The following PARD3 variants were observed in gnomAD, a reference collection of about 807,000 sequenced individuals.
PARD3 encodes the protein partitioning defective 3 homolog.
In PARD3, 75 loss-of-function variants were observed where a neutral mutation model predicts 155.4. The ratio of observed to expected loss-of-function variants is 0.48; its 90% CI spans 0.40 to 0.58. The LOEUF is 0.58. PARD3 is among the 20% of genes least tolerant of loss of function. The pLI is 0.00. For missense variants in PARD3, 1,642 were observed against 1,721.7 expected (o/e 0.95, Z 0.82); for synonymous variants, 576 against 610.5 (o/e 0.94, Z 0.83).
At chr10:34,389,552 T>C (rs1842683214) in intron 7 of PARD3, among the ~76,000 whole-genome samples, 1 of 152,220 alleles carries the variant, frequency 6.6e-6, no homozygotes, top group African/African-American at 2.4e-5. Context: ...GAGTTTTGCG[T>C]TGATAATGTA....
intron 3 of PARD3, among the ~76,000 whole-genome samples, chr10:34,473,479 G>C (rs2078495935): frequency 6.6e-6 from 1 of 151,966 alleles, no homozygotes; most frequent in African/African-American, 2.4e-5. Flanking sequence ...TTGAGGTCAG[G>C]AGTTCAAGAC....
intron 2 of PARD3, among the ~76,000 whole-genome samples, chr10:34,553,827 A>G (rs2084785835): frequency 6.6e-6 from 1 of 152,204 alleles, no homozygotes; most frequent in Admixed American, 6.5e-5. Context: ...ACCTTACAAC[A>G]CTAAAAAGGA....
intron 2 of PARD3, among the ~76,000 whole-genome samples, chr10:34,519,944 T>C (rs2082039985): frequency 1.3e-5 from 2 of 152,004 alleles, no homozygotes; most frequent in Admixed American, 1.3e-4. Context: ...GGCTGCCACC[T>C]TGGAGCTTCA....
chr10:34,664,578 C>T (rs1045563711), intron 2 of PARD3, among the ~76,000 whole-genome samples: 4 of 152,112 alleles, frequency 2.6e-5, no homozygotes, highest in Non-Finnish European at 4.4e-5. Context: ...CTCTGCCTCC[C>T]GGGTTCCAGA....
chr10:34,186,131 G>A (rs1163141219), intron 22 of PARD3, among the ~76,000 whole-genome samples: 1 of 151,772 alleles, frequency 6.6e-6, no homozygotes, highest in Non-Finnish European at 1.5e-5. Context: ...GCAGGGGGGA[G>A]GCATCACATA....
intron 1 of PARD3, among the ~76,000 whole-genome samples, chr10:34,747,822 C>T (rs1284131510): frequency 6.6e-6 from 1 of 152,234 alleles, no homozygotes; most frequent in Non-Finnish European, 1.5e-5. Context: ...CTGGGGCAGA[C>T]ACTGCAACTG....
At chr10:34,184,090 T>C (rs942663071) in intron 22 of PARD3, among the ~76,000 whole-genome samples, 12 of 152,198 alleles carry the variant, frequency 7.9e-5, no homozygotes, top group African/African-American at 2.7e-4. Flanking sequence ...AGTGCTAGGA[T>C]TACAGGTGTG....
intron 22 of PARD3, among the ~76,000 whole-genome samples, chr10:34,168,123 T>C (rs1949621762): frequency 6.6e-6 from 1 of 152,210 alleles, no homozygotes. Flanking sequence ...ATTCATTTTA[T>C]AGCTTTGGTA....
At chr10:34,309,655 AAGAGGGAAG>A (rs1024947158) in intron 20 of PARD3, among the ~76,000 whole-genome samples, 27 of 151,268 alleles carry the variant, frequency 1.8e-4, no homozygotes, top group Non-Finnish European at 3.4e-4. Context: ...AATGTCCTGC[AAGAGGGAAG>A]AGAGGACCAG....
rs547276334 is a variant in PARD3, at chr10:34,412,040, G to A, written c.715-10123C>T. ...TACAGTGGTATAATCACAGCTTACT[G>A]CAGCCTCAAACTCCTGGGCTCAAGC... On this transcript the variant is annotated intron_variant, in intron 5 of 24. Coordinates refer to ENST00000374788, the MANE Select transcript of PARD3 (RefSeq NM_001184785.2). Among the ~76,000 whole-genome samples, 9 of 151,520 alleles carry A rather than the reference G, an allele frequency of 5.9e-5. 1 individual carries two copies. The highest frequency in any genetic ancestry group is 1.9e-4 in the African/African-American group (8 of 41,342).
chr10:34,725,416 A>C (rs2094689873), intron 1 of PARD3, among the ~76,000 whole-genome samples: 1 of 152,038 alleles, frequency 6.6e-6, no homozygotes, highest in Admixed American at 6.5e-5. Flanking sequence ...CGGCCTCCCA[A>C]AGTGCTAAGA....
intron 3 of PARD3, among the ~76,000 whole-genome samples, chr10:34,487,216 C>T (rs1200197899): frequency 6.6e-6 from 1 of 151,856 alleles, no homozygotes; most frequent in African/African-American, 2.4e-5. Context: ...TAAGGTCGGC[C>T]GGGCAGGCAT....
chr10:34,199,471 G>A (rs1482929209), intron 22 of PARD3, among the ~76,000 whole-genome samples: 1 of 152,066 alleles, frequency 6.6e-6, no homozygotes, highest in Non-Finnish European at 1.5e-5. Context: ...CCCAGTGGCT[G>A]GTCAGTGAAG....
intron 5 of PARD3, among the ~76,000 whole-genome samples, chr10:34,438,828 G>A (rs1339950014): frequency 2.0e-5 from 3 of 152,162 alleles, no homozygotes; most frequent in Non-Finnish European, 4.4e-5. Context: ...CCATCAAATG[G>A]GGGGATGGAG....
At chr10:34,449,450 T>C (rs1774742) in intron 5 of PARD3, among the ~76,000 whole-genome samples, 67,706 of 115,666 alleles carry the variant, frequency 0.59, 20,376 homozygotes, top group African/African-American at 0.87. Flanking sequence ...ATTAACTCAT[T>C]GGAGGTGGGG....
chr10:34,780,135 A>C (rs560271816), intron 1 of PARD3, among the ~76,000 whole-genome samples: 1 of 152,292 alleles, frequency 6.6e-6, no homozygotes, highest in East Asian at 1.9e-4. Context: ...CTTTTGTATG[A>C]ATGGTTTTAA....
chr10:34,439,623 A>AT (rs1325162804), intron 5 of PARD3, among the ~76,000 whole-genome samples: 1 of 151,904 alleles, frequency 6.6e-6, no homozygotes, highest in Non-Finnish European at 1.5e-5. Flanking sequence ...CACCCAGCTA[A>AT]TTTTTTTATT....
chr10:34,515,398 C>T (rs2081655845), intron 3 of PARD3, among the ~76,000 whole-genome samples: 1 of 152,224 alleles, frequency 6.6e-6, no homozygotes, highest in African/African-American at 2.4e-5. Flanking sequence ...GGTTCTGTTC[C>T]ACCCCAAGTA....
chr10:34,320,665 A>G (rs1202338240), intron 19 of PARD3, among the ~76,000 whole-genome samples: 1 of 152,234 alleles, frequency 6.6e-6, no homozygotes, highest in Non-Finnish European at 1.5e-5. Flanking sequence ...ATGTAACACA[A>G]CTTATTTTCT....
Sources: allele counts gnomAD v4.1 joint callset (sites outside exome capture counted in the v4.1 genomes callset), GRCh38; gene constraint gnomAD v4.1.1; transcripts MANE v1.5; gene names NCBI Gene and HGNC (gene_info 2026-07-23, HGNC 2026-07-21).